ETV6: variants seen among roughly 807,000 people sequenced by gnomAD.
ETV6 encodes transcription factor ETV6.
Under a neutral mutation model 51.1 loss-of-function variants are expected in ETV6, and 16 were observed. That is an observed-to-expected ratio of 0.31 (90% CI 0.21 to 0.48). The LOEUF (loss-of-function observed/expected upper bound fraction) is 0.48, where lower values mean the gene tolerates loss of function less well. Among genes scored for constraint, ETV6 ranks in the 20% least tolerant of loss-of-function variants. The pLI is 0.99. For missense variants in ETV6, 458 were observed against 594.8 expected, an observed-to-expected ratio of 0.77 and a Z score of 2.39; for synonymous variants, 240 against 224.1, an observed-to-expected ratio of 1.07 and a Z score of -0.64.
Position 11,812,873 on chromosome 12 carries a change from C to T in ETV6, c.164-26267C>T, listed in dbSNP as rs549483307. Among the ~76,000 whole-genome samples the T allele has an allele frequency of 3.9e-5, 6 of 152,350 alleles. No homozygotes were observed. The East Asian group carries it at 1.2e-3, about 29-fold the overall frequency. On this transcript the variant is annotated intron_variant, in intron 2 of 7. Transcript: ENST00000396373. ...GGGGAAATAGAAATCAGCCCTAAAG[C>T]TGCATGGAGACCCCGGCTGGTCTTT...
At chr12:11,883,288 T>G (rs1331697152) in intron 5 of ETV6, among the ~76,000 whole-genome samples, 1 of 40,126 alleles carries the variant, frequency 2.5e-5, no homozygotes, top group Non-Finnish European at 7.9e-5. Flanking sequence ...TTTTTTTTTT[T>G]TTTTTTTTTT....
rs766654752 is a variant in ETV6, at chr12:11,669,369, C to CCCTTCCTT, written c.33+19216_33+19217insTCCTTCCT. Among the ~76,000 whole-genome samples, 113 of 139,890 alleles carry CCCTTCCTT rather than the reference C, an allele frequency of 8.1e-4. No individual in the cohort carries two copies. The East Asian group carries it at 0.021, about 26-fold the overall frequency. The allele number at this position is 139,890 out of a possible 152,430, so 91.8% of individuals were successfully genotyped here. On this transcript the variant is annotated intron_variant, in intron 1 of 7. Transcript: ENST00000396373. Reference sequence around the variant, plus strand: ...TCCCGTCCTCCTGTCCTCCCTTCCTCCCTTCCTCCCTCCCTCCCTCCCTCC... The same window carrying CCCTTCCTT: ...TCCCGTCCTCCTGTCCTCCCTTCCTCCCTTCCTTCCTTCCTCCCTCCCTCCCTCCCTCC...
chr12:11,777,027 A>G (rs887555727), intron 2 of ETV6, among the ~76,000 whole-genome samples: 2 of 152,200 alleles, frequency 1.3e-5, no homozygotes, highest in Non-Finnish European at 2.9e-5. Flanking sequence ...TCACAAGGTC[A>G]GGAGACTGCG....
At chr12:11,734,538 AAAAAG>A (rs925422102) in intron 1 of ETV6, among the ~76,000 whole-genome samples, 3 of 151,992 alleles carry the variant, frequency 2.0e-5, no homozygotes, top group South Asian at 2.1e-4. Context: ...AGAAAAAAAA[AAAAAG>A]AAGAAGAAGA....
chr12:11,789,995 A>C (rs1244164180), intron 2 of ETV6, among the ~76,000 whole-genome samples: 1 of 151,938 alleles, frequency 6.6e-6, no homozygotes, highest in Non-Finnish European at 1.5e-5. Context: ...CTTTCTCCAG[A>C]ACTCCCATTA....
At chr12:11,876,318 T>C (rs934604578) in intron 5 of ETV6, among the ~76,000 whole-genome samples, 2 of 152,238 alleles carry the variant, frequency 1.3e-5, no homozygotes, top group African/African-American at 2.4e-5. Context: ...AGTCTGCTCA[T>C]GTGCCAGGCA....
chr12:11,674,819 C>T (rs1349559428), intron 1 of ETV6, among the ~76,000 whole-genome samples: 1 of 152,028 alleles, frequency 6.6e-6, no homozygotes, highest in African/African-American at 2.4e-5. Flanking sequence ...CTCACTGCCC[C>T]AGGAGCGGAG....
chr12:11,816,319 A>C (rs989858996), intron 2 of ETV6, among the ~76,000 whole-genome samples: 3 of 152,218 alleles, frequency 2.0e-5, no homozygotes, highest in Non-Finnish European at 4.4e-5. Context: ...GTCTCGGCTC[A>C]CTGCAACCTC....
chr12:11,763,622 C>T (rs892959058), intron 2 of ETV6, among the ~76,000 whole-genome samples: 17 of 152,212 alleles, frequency 1.1e-4, no homozygotes, highest in African/African-American at 3.6e-4. Context: ...TGTGTGTGCA[C>T]GCACGTGCTT....
chr12:11,804,894 A>G (rs1209158488), intron 2 of ETV6, among the ~76,000 whole-genome samples: 1 of 152,136 alleles, frequency 6.6e-6, no homozygotes. Context: ...AGTTTGTCCA[A>G]AAAGAAATCC....
At chr12:11,823,469 C>CTTTTTTTT (rs756553588) in intron 2 of ETV6, among the ~76,000 whole-genome samples, 4 of 137,572 alleles carry the variant, frequency 2.9e-5, no homozygotes, top group Admixed American at 7.2e-5. Flanking sequence ...TCCTTTTTTT[C>CTTTTTTTT]TTTTTTTTTT....
intron 1 of ETV6, chr12:11,750,755 A>G (rs1346905336): frequency 4.5e-6 from 2 of 443,624 alleles, no homozygotes; most frequent in Non-Finnish European, 8.6e-6. Context: ...ACCTTTAAAA[A>G]CCTCTGAACA....
At chr12:11,790,780 C>T (rs890772343) in intron 2 of ETV6, among the ~76,000 whole-genome samples, 15 of 150,454 alleles carry the variant, frequency 1.0e-4, no homozygotes, top group East Asian at 7.8e-4. Context: ...TGGATTCAAG[C>T]GATTCTCCTG....
intron 2 of ETV6, among the ~76,000 whole-genome samples, chr12:11,838,028 C>T (rs1463334475): frequency 6.6e-6 from 1 of 152,178 alleles, no homozygotes; most frequent in East Asian, 1.9e-4. Flanking sequence ...TATATTTTCC[C>T]AAACCAAAAA....
intron 2 of ETV6, among the ~76,000 whole-genome samples, chr12:11,824,161 C>G (rs1946120967): frequency 6.6e-6 from 1 of 151,898 alleles, no homozygotes; most frequent in Non-Finnish European, 1.5e-5. Flanking sequence ...CAGTGTAACT[C>G]TCAGAATCCC....
At chr12:11,878,849 G>A (rs76767018) in intron 5 of ETV6, among the ~76,000 whole-genome samples, 10,212 of 146,388 alleles carry the variant, frequency 0.07, 445 homozygotes, top group African/African-American at 0.12. Context: ...AAAACAAGCA[G>A]CAGATGGCCC....
intron 1 of ETV6, among the ~76,000 whole-genome samples, chr12:11,666,635 C>G (rs1396765480): frequency 2.0e-5 from 3 of 152,188 alleles, no homozygotes; most frequent in African/African-American, 7.2e-5. Flanking sequence ...TCCACACAAG[C>G]CTGAATAGCT....
At chr12:11,693,875 G>C (rs979185816) in intron 1 of ETV6, among the ~76,000 whole-genome samples, 50 of 152,152 alleles carry the variant, frequency 3.3e-4, no homozygotes, top group Non-Finnish European at 1.6e-4. Context: ...ATGATTTCAG[G>C]GAAGAGTACC....
intron 2 of ETV6, among the ~76,000 whole-genome samples, chr12:11,809,218 G>A (rs186629899): frequency 2.0e-5 from 3 of 151,158 alleles, no homozygotes; most frequent in African/African-American, 7.3e-5. Context: ...ATAATGGCAT[G>A]ATGAAACAGA....
Sources: allele counts gnomAD v4.1 joint callset (sites outside exome capture counted in the v4.1 genomes callset), GRCh38; gene constraint gnomAD v4.1.1; transcripts MANE v1.5; gene names NCBI Gene and HGNC (gene_info 2026-07-23, HGNC 2026-07-21).